WRN: variants seen among roughly 807,000 people sequenced by gnomAD.
WRN encodes bifunctional 3'-5' exonuclease/ATP-dependent helicase WRN.
A neutral mutation model predicts 180.7 loss-of-function variants in WRN; 149 were observed. That is an observed-to-expected ratio of 0.82 (90% CI 0.72 to 0.94). The LOEUF (loss-of-function observed/expected upper bound fraction) is 0.94. WRN is among the 40% of genes least tolerant of loss of function. The pLI, the probability that WRN is intolerant of heterozygous loss-of-function variation, is 0.00. For missense variants in WRN, 1,661 were observed against 1,700.1 expected (o/e 0.98, Z 0.40); for synonymous variants, 548 against 568.9 (o/e 0.96, Z 0.52).
intron 9 of WRN, among the ~76,000 whole-genome samples, chr8:31,082,782 A>T (rs1466312930): frequency 6.6e-6 from 1 of 151,896 alleles, no homozygotes; most frequent in African/African-American, 2.4e-5. Flanking sequence ...TTTTTAGTAG[A>T]GAAAGTGCTG....
chr8:31,066,963 A>G, intron 5 of WRN, 70 bp from the exon 6 acceptor site: 2 of 1,573,268 alleles, frequency 1.3e-6, no homozygotes, highest in Non-Finnish European at 1.7e-6. Context: ...TGGTATGTTC[A>G]TTTGATATCA....
At chr8:31,155,917 A>C (rs1315051262) in intron 32 of WRN, among the ~76,000 whole-genome samples, 1 of 152,246 alleles carries the variant, frequency 6.6e-6, no homozygotes, top group African/African-American at 2.4e-5. Flanking sequence ...AAGAATAAAC[A>C]GTCCATAGCT....
rs779762531 is a variant in WRN at position 31,173,139 on chromosome 8, A to G, written c.*37A>G. 15 of 1,560,726 alleles carry G rather than the reference A, an allele frequency of 9.6e-6. No individual in the cohort carries two copies. The highest frequency in any genetic ancestry group is 1.7e-5 in the Admixed American group (1 of 59,908). ...CCAGAACAATTATGTTTCTTGCTGT[A>G]TTATAAGAGGATAGCTATATTTTAT... On this transcript the variant is annotated 3_prime_UTR_variant, in exon 35 of 35. Transcript: ENST00000298139.
intron 24 of WRN, among the ~76,000 whole-genome samples, chr8:31,136,387 C>G (rs1802397947): frequency 6.6e-6 from 1 of 152,174 alleles, no homozygotes; most frequent in Non-Finnish European, 1.5e-5. Flanking sequence ...CCTTATTTTA[C>G]TGTAGTTGAG....
intron 20 of WRN, among the ~76,000 whole-genome samples, chr8:31,119,779 T>C (rs1419531831): frequency 6.6e-6 from 1 of 152,054 alleles, no homozygotes; most frequent in Non-Finnish European, 1.5e-5. Flanking sequence ...TTCATAGATA[T>C]GAGACATTCT....
intron 1 of WRN, among the ~76,000 whole-genome samples, chr8:31,035,678 GC>G (rs1051255529): frequency 3.9e-5 from 6 of 152,082 alleles, no homozygotes; most frequent in African/African-American, 1.4e-4. Context: ...CATAAAATTT[GC>G]CATCTTAGTC....
chr8:31,037,530 A>G (rs1184200656), intron 1 of WRN, among the ~76,000 whole-genome samples: 1 of 152,160 alleles, frequency 6.6e-6, no homozygotes, highest in African/African-American at 2.4e-5. Context: ...GGGGTCTTAC[A>G]TTTAAGTCTT....
intron 16 of WRN, among the ~76,000 whole-genome samples, chr8:31,095,715 C>T (rs1171219685): frequency 6.6e-6 from 1 of 152,164 alleles, no homozygotes; most frequent in Non-Finnish European, 1.5e-5. Context: ...TCTATTGCTG[C>T]ACTCTCTATT....
rs139326961 is a variant in WRN, at chr8:31,142,485, A to G, written c.3234-141A>G. 1,282 of 597,804 alleles carry G rather than the reference A, an allele frequency of 2.1e-3. 15 individuals are homozygous for G. In the African/African-American group the frequency reaches 0.022, roughly 10 times the overall value. 37.0% of individuals were successfully genotyped at this position (597,804 alleles called of 1,614,324 possible). A position where few individuals can be genotyped will look rare whatever the true frequency, so the allele number is the denominator to read the frequency against. ...TCTTAAAGCTTCCAGAGCTTTTTCTAGAAAAAAAAATCAGTTTTAAGAATC... is the reference window on the plus strand; with the variant it reads ...TCTTAAAGCTTCCAGAGCTTTTTCTGGAAAAAAAAATCAGTTTTAAGAATC... On this transcript the variant is annotated intron_variant, in intron 26 of 34. Transcript: ENST00000298139.
In WRN at chr8:31,174,739, C is replaced by CCTT. The variant is rs775594819; in HGVS notation, c.*1645_*1647dup. Among the ~76,000 whole-genome samples the CCTT allele has an allele frequency of 6.7e-6, 1 of 150,014 alleles. No individual in the cohort carries two copies. The highest frequency in any genetic ancestry group is 1.5e-5 in the Non-Finnish European group (1 of 67,444). On this transcript the variant is annotated 3_prime_UTR_variant, in exon 35 of 35. Coordinates refer to ENST00000298139, the MANE Select transcript of WRN (RefSeq NM_000553.6). ...TTCTTCCTTCCTTCCTCCTCCTCCT[C>CCTT]CTTCTTCTTCCTCTTCCTCTTCTTC...
At chr8:31,155,121 G>T (rs922556760) in intron 32 of WRN, among the ~76,000 whole-genome samples, 2 of 152,140 alleles carry the variant, frequency 1.3e-5, no homozygotes, top group African/African-American at 4.8e-5. Context: ...GAAAAAGGAA[G>T]GTGCAAAACA....
chr8:31,046,065 C>A (rs113114135), intron 1 of WRN, among the ~76,000 whole-genome samples: 3,371 of 152,036 alleles, frequency 0.022, 85 homozygotes, highest in East Asian at 0.073. Flanking sequence ...TTTGCTGTTA[C>A]TGATTTTGGA....
At chr8:31,109,580 A>G (rs1209800478) in intron 18 of WRN, among the ~76,000 whole-genome samples, 5 of 152,136 alleles carry the variant, frequency 3.3e-5, no homozygotes, top group Non-Finnish European at 7.4e-5. Flanking sequence ...AAGTTGTTAT[A>G]TAGAATTCTT....
chr8:31,052,390 G>C (rs1812109225), intron 1 of WRN, among the ~76,000 whole-genome samples: 1 of 152,032 alleles, frequency 6.6e-6, no homozygotes, highest in African/African-American at 2.4e-5. Context: ...TATACAATTA[G>C]AGTCTAATTT....
chr8:31,119,683 G>C (rs1342179511), intron 20 of WRN, among the ~76,000 whole-genome samples: 1 of 151,038 alleles, frequency 6.6e-6, no homozygotes, highest in East Asian at 1.9e-4. Flanking sequence ...TATTTTTATT[G>C]TTATTACCTA....
rs753489256 is a variant in WRN, at chr8:31,116,784, A to G, written c.2448+256A>G. On this transcript the variant is annotated intron_variant, in intron 20 of 34. Transcript: ENST00000298139. Reference sequence around the variant, plus strand: ...GGGGTGGTCCATCCAGGAAAATTCAATTAGAGTCCAAACATGTAAGTAGAA... The same window carrying G: ...GGGGTGGTCCATCCAGGAAAATTCAGTTAGAGTCCAAACATGTAAGTAGAA... 4.6e-5 allele frequency among the ~76,000 whole-genome samples: 7 copies of G among 152,314 alleles called. No homozygotes were observed. In the South Asian group the frequency reaches 8.3e-4, roughly 18 times the overall value.
chr8:31,054,408 G>C (rs1181707547), intron 1 of WRN, among the ~76,000 whole-genome samples: 3 of 151,852 alleles, frequency 2.0e-5, no homozygotes, highest in Non-Finnish European at 4.4e-5. Flanking sequence ...TTTTTGGTAA[G>C]AGATGGGATC....
intron 23 of WRN, among the ~76,000 whole-genome samples, chr8:31,125,210 C>T (rs1347910388): frequency 1.3e-5 from 2 of 151,466 alleles, no homozygotes; most frequent in Non-Finnish European, 2.9e-5. Context: ...CTAAACATAT[C>T]AATAGTTATG....
intron 20 of WRN, among the ~76,000 whole-genome samples, chr8:31,118,804 C>T (rs912795263): frequency 5.9e-5 from 9 of 151,946 alleles, no homozygotes; most frequent in Admixed American, 3.9e-4. Context: ...TACTTTTAAT[C>T]CTCACTTTTA....
Sources: gnomAD v4.1 joint callset for allele counts (sites outside exome capture counted in the v4.1 genomes callset) on GRCh38, gnomAD v4.1.1 for gene constraint, MANE v1.5 for transcripts, NCBI Gene and HGNC (gene_info 2026-07-23, HGNC 2026-07-21) for gene names.